The following EXT1 variants were observed in gnomAD, a reference collection of about 807,000 sequenced individuals.
EXT1 encodes the protein exostosin-1.
In EXT1, 20 loss-of-function variants were observed where a neutral mutation model predicts 82.5. The observed-to-expected ratio is 0.24, with a 90% CI of 0.17 to 0.35. EXT1 has a LOEUF of 0.35. Among genes scored for constraint, EXT1 ranks in the 10% least tolerant of loss-of-function variants. The pLI is 1.00. For missense variants in EXT1, 757 were observed against 936.5 expected (o/e 0.81, Z 2.50); for synonymous variants, 348 against 350.8 (o/e 0.99, Z 0.09).
At chr8:117,874,630 ATAGATGAGC>A (rs1812935786) in intron 1 of EXT1, among the ~76,000 whole-genome samples, 1 of 150,926 alleles carries the variant, frequency 6.6e-6, no homozygotes, top group Admixed American at 6.6e-5. Context: ...GGGTAATTTG[ATAGATGAGC>A]TATCATATAA....
At chr8:117,801,355 G>A (rs1823164203) in intron 10 of EXT1, among the ~76,000 whole-genome samples, 1 of 152,136 alleles carries the variant, frequency 6.6e-6, no homozygotes, top group Admixed American at 6.5e-5. Context: ...CAGAACTCAA[G>A]CTTCATTCTT....
At position 118,110,957 on chromosome 8, in the gene EXT1, T is replaced by C. The variant is rs776592713; in HGVS notation, c.90A>G (p.Ala30=). The C allele has an allele frequency of 1.2e-6, 2 of 1,612,556 alleles. 1 individual carries two copies. The highest frequency in any genetic ancestry group is 2.2e-5 in the South Asian group (2 of 91,068). ...LFYFGGLQFR[A]SRSHSRREEH... is the part of the protein sequence containing the mutation. ...CTTCTCTCCGGCTGTGGCTCCTCGATGCCCTAAACTGCAAGCCTCCGAAAT... is the reference window on the plus strand; with the variant it reads ...CTTCTCTCCGGCTGTGGCTCCTCGACGCCCTAAACTGCAAGCCTCCGAAAT... The change falls in exon 1 of 11, where the codon GCA becomes GCG. Residue 30 remains alanine, a synonymous_variant. Coordinates refer to ENST00000378204, the MANE Select transcript of EXT1 (RefSeq NM_000127.3).
chr8:117,904,161 C>T lies in EXT1; in HGVS notation c.963-66960G>A, dbSNP rs140403747. 1.4e-4 allele frequency among the ~76,000 whole-genome samples: 21 copies of T among 152,280 alleles called. No individual in the cohort carries two copies. In the South Asian group the frequency reaches 3.3e-3, roughly 24 times the overall value. ...ACCAGCTCTTAAGGATAACTGGAAA[C>T]GTGAGAATAACTTCTCAAATATGAA... On this transcript the variant is annotated intron_variant, in intron 1 of 10. Transcript: ENST00000378204.
intron 4 of EXT1, among the ~76,000 whole-genome samples, chr8:117,824,648 C>T (rs977987631): frequency 3.3e-5 from 5 of 152,066 alleles, no homozygotes; most frequent in African/African-American, 9.7e-5. Flanking sequence ...CTCCTGTGTT[C>T]GTTTTCTAGG....
rs35409811 is a variant in EXT1 at position 117,970,304 on chromosome 8, ATTTT to A, written c.963-133107_963-133104del. On this transcript the variant is annotated intron_variant, in intron 1 of 10. Transcript: ENST00000378204. ...TTTGAGGCAGGGCTCAGGAATCTAC[ATTTT>A]TTTTTTTTTTTTTGACACGGAGTCT... Among the ~76,000 whole-genome samples the A allele has an allele frequency of 2.1e-4, 29 of 136,546 alleles. 1 individual carries two copies. The highest frequency in any genetic ancestry group is 6.5e-4 in the African/African-American group (24 of 37,036). The allele number at this position is 136,546 out of a possible 152,430, so 89.6% of individuals were successfully genotyped here.
intron 1 of EXT1, among the ~76,000 whole-genome samples, chr8:117,866,108 C>A (rs1195352041): frequency 1.3e-5 from 2 of 152,062 alleles, no homozygotes; most frequent in Non-Finnish European, 2.9e-5. Flanking sequence ...GCCTGTAATC[C>A]CAGCTACTCA....
chr8:118,083,985 T>C (rs544351026), intron 1 of EXT1, among the ~76,000 whole-genome samples: 2 of 152,268 alleles, frequency 1.3e-5, no homozygotes, highest in East Asian at 1.9e-4. Flanking sequence ...GCCAAGATCA[T>C]GCCACTGCAC....
At chr8:117,812,748 T>C (rs887081142) in intron 8 of EXT1, 124 bp downstream of exon 8, 8 of 883,442 alleles carry the variant, frequency 9.1e-6, no homozygotes, top group African/African-American at 6.6e-5. Flanking sequence ...ACCAGCGCTG[T>C]AGGAAGTTTT....
intron 1 of EXT1, among the ~76,000 whole-genome samples, chr8:118,102,577 A>T (rs1212090156): frequency 6.6e-6 from 1 of 152,222 alleles, no homozygotes; most frequent in Non-Finnish European, 1.5e-5. Flanking sequence ...CAAACAAGAC[A>T]CTTAAGAAAA....
intron 5 of EXT1, 87 bp downstream of exon 5, chr8:117,822,378 C>T: frequency 7.0e-7 from 1 of 1,436,356 alleles, no homozygotes; most frequent in Non-Finnish European, 9.7e-7. Context: ...TAGATGGACC[C>T]CATTAGAGTA....
At position 117,816,574 on chromosome 8, in the gene EXT1, G is replaced by T. The variant is rs574073449; in HGVS notation, c.1632+1861C>A. On this transcript the variant is annotated intron_variant, in intron 7 of 10. Transcript: ENST00000378204. The stretch of plus-strand genomic sequence containing the variant: ...AGGTGGAGGCAAGGACTGAACAAAT[G>T]CCAGGGGCCTGAATATAGATGCAGC... Among the ~76,000 whole-genome samples, 12 of 152,328 alleles carry T rather than the reference G, an allele frequency of 7.9e-5. No individual in the cohort carries two copies. In the East Asian group the frequency reaches 2.1e-3, roughly 27 times the overall value.
intron 1 of EXT1, among the ~76,000 whole-genome samples, chr8:117,966,225 C>T (rs1252158604): frequency 6.6e-6 from 1 of 152,222 alleles, no homozygotes; most frequent in Non-Finnish European, 1.5e-5. Flanking sequence ...GGCAGCATCC[C>T]ATTCCAAAAC....
In EXT1 at chr8:117,931,405, T is replaced by A. The variant is rs184107636; in HGVS notation, c.963-94204A>T. ...AATAAATAACTGATATATTAGCAATTGATAAATCTTTATAAATTATAAACT... is the reference window on the plus strand; with the variant it reads ...AATAAATAACTGATATATTAGCAATAGATAAATCTTTATAAATTATAAACT... On this transcript the variant is annotated intron_variant, in intron 1 of 10. Coordinates refer to ENST00000378204, the MANE Select transcript of EXT1 (RefSeq NM_000127.3). 3.9e-5 allele frequency among the ~76,000 whole-genome samples: 6 copies of A among 152,140 alleles called. No individual in the cohort carries two copies. In the South Asian group the frequency reaches 6.2e-4, roughly 16 times the overall value.
chr8:118,111,337 T>C lies in EXT1; in HGVS notation c.-291A>G. ...GGGCGAGCAGCGGACTGTAATTTTC[T>C]TGCATGCAACAAGACGGAGGAAAAG... On this transcript the variant is annotated 5_prime_UTR_variant, in exon 1 of 11. Coordinates refer to ENST00000378204, the MANE Select transcript of EXT1 (RefSeq NM_000127.3). 3.4e-6 allele frequency: 2 copies of C among 594,444 alleles called. No homozygotes were observed. Among genetic ancestry groups the C allele is most frequent in the East Asian group, 2.8e-5 (1 of 36,228 alleles). The allele number at this position is 594,444 out of a possible 1,614,324, so 36.8% of individuals were successfully genotyped here.
intron 1 of EXT1, among the ~76,000 whole-genome samples, chr8:117,868,604 C>T (rs1041697331): frequency 1.1e-4 from 16 of 151,978 alleles, no homozygotes; most frequent in South Asian, 2.1e-4. Context: ...GTACATGCCA[C>T]CATGCCTGGC....
At chr8:118,079,941 A>G (rs1253976970) in intron 1 of EXT1, among the ~76,000 whole-genome samples, 1 of 152,208 alleles carries the variant, frequency 6.6e-6, no homozygotes, top group African/African-American at 2.4e-5. Context: ...TACCAGAGGC[A>G]TATAAACTCA....
intron 1 of EXT1, among the ~76,000 whole-genome samples, chr8:117,914,159 C>T (rs895926619): frequency 3.9e-5 from 6 of 152,070 alleles, no homozygotes; most frequent in South Asian, 2.1e-4. Context: ...TCAAGGACCC[C>T]GAACAGAGGG....
intron 1 of EXT1, among the ~76,000 whole-genome samples, chr8:117,945,019 G>A (rs939980587): frequency 4.5e-4 from 68 of 152,094 alleles, no homozygotes; most frequent in Middle Eastern, 6.8e-3. Context: ...AAAATTAGCC[G>A]GGCGCGGTGG....
At chr8:117,853,573 G>C (rs774472256) in intron 1 of EXT1, among the ~76,000 whole-genome samples, 14 of 152,128 alleles carry the variant, frequency 9.2e-5, no homozygotes, top group African/African-American at 3.4e-4. Context: ...ATTGACCCAC[G>C]TTACAGATAG....
Sources: allele counts gnomAD v4.1 joint callset (sites outside exome capture counted in the v4.1 genomes callset), GRCh38; gene constraint gnomAD v4.1.1; transcripts MANE v1.5; gene names NCBI Gene and HGNC (gene_info 2026-07-23, HGNC 2026-07-21).